The following CRISPLD2 variants were observed in gnomAD, a reference collection of about 807,000 sequenced individuals.
CRISPLD2 encodes cysteine rich secretory protein LCCL domain containing 2, also known as cysteine-rich secretory protein LCCL domain-containing 2.
A neutral mutation model predicts 71.1 loss-of-function variants in CRISPLD2; 47 were observed. That is an observed-to-expected ratio of 0.66 (90% CI 0.52 to 0.84). CRISPLD2 has a LOEUF of 0.84. Among genes scored for constraint, CRISPLD2 ranks in the 40% least tolerant of loss-of-function variants. The probability of loss-of-function intolerance (pLI) is 0.00; values close to 1 mark genes in which losing one functional copy is unlikely to be tolerated. For synonymous variants in CRISPLD2, 317 were observed against 250.1 expected (o/e 1.27, Z -2.52); for missense variants, 830 against 651.1 (o/e 1.27, Z -2.99).
At chr16:84,885,003 C>T (rs973185775) in intron 13 of CRISPLD2, among the ~76,000 whole-genome samples, 5 of 152,314 alleles carry the variant, frequency 3.3e-5, no homozygotes, top group Middle Eastern at 3.4e-3. Context: ...GTTGGCAGTG[C>T]GAGCAATGCT....
At chr16:84,876,429 G>T (rs2071518810) in intron 11 of CRISPLD2, among the ~76,000 whole-genome samples, 1 of 152,134 alleles carries the variant, frequency 6.6e-6, no homozygotes, top group African/African-American at 2.4e-5. Flanking sequence ...CTGAACCCAG[G>T]AGGTGAAGGT....
In CRISPLD2 at chr16:84,906,635, G is replaced by A; in HGVS notation, c.1487G>A (p.Arg496Lys). The A allele has an allele frequency of 1.2e-6, 2 of 1,614,066 alleles. No homozygotes were observed. The highest frequency in any genetic ancestry group is 1.7e-6 in the Non-Finnish European group (2 of 1,180,040). The change falls in exon 15 of 15, where the codon AGG becomes AAG. Residue 496 changes from arginine (R) to lysine (K), a missense_variant. By Grantham distance (26) the Arg-to-Lys change is conservative (BLOSUM62 2). Transcript: ENST00000262424. ...DGKAFRIFAV[R>K]Q Reference sequence around the variant, plus strand: ...AAGGCCTTCCGGATCTTTGCTGTCAGGCAGTGAATTTCCAGCACCAGGGGA... The same window carrying A: ...AAGGCCTTCCGGATCTTTGCTGTCAAGCAGTGAATTTCCAGCACCAGGGGA...
rs536762620 is a variant in CRISPLD2 at position 84,883,122 on chromosome 16, CA to C, written c.1305+2546del. ...AGTACTCAGTACTTAAGTAGCTCTT[CA>C]AAAAAAATAAAGAATGAAGGAGGGA... On this transcript the variant is annotated intron_variant, in intron 13 of 14. Transcript: ENST00000262424. Among the ~76,000 whole-genome samples, 7 of 151,362 alleles carry C rather than the reference CA, an allele frequency of 4.6e-5. No individual in the cohort carries two copies. The South Asian group carries it at 8.4e-4, about 18-fold the overall frequency.
chr16:84,827,500 G>T (rs559696378), intron 1 of CRISPLD2, among the ~76,000 whole-genome samples: 1 of 151,252 alleles, frequency 6.6e-6, no homozygotes, highest in Non-Finnish European at 1.5e-5. Flanking sequence ...GTCACGCCTC[G>T]ACTGTGACCC....
At chr16:84,877,574 G>A in intron 12 of CRISPLD2, 64 bp downstream of exon 12, 2 of 1,520,966 alleles carry the variant, frequency 1.3e-6, no homozygotes, top group South Asian at 1.1e-5. Flanking sequence ...TTTAGGCTGG[G>A]TGAGGTGGCT....
At chr16:84,904,692 C>T (rs2071786289) in intron 14 of CRISPLD2, among the ~76,000 whole-genome samples, 1 of 151,902 alleles carries the variant, frequency 6.6e-6, no homozygotes. Context: ...ACATCGGTGC[C>T]AGGACCATTC....
intron 14 of CRISPLD2, among the ~76,000 whole-genome samples, chr16:84,892,040 C>T (rs563382130): frequency 2.6e-5 from 4 of 152,328 alleles, no homozygotes; most frequent in Admixed American, 6.5e-5. Context: ...CTCCTCCGTC[C>T]TGTGGACTGG....
chr16:84,907,398 G>C lies in CRISPLD2; in HGVS notation c.*756G>C, dbSNP rs1160141905. 1 of 152,422 alleles carries C rather than the reference G, an allele frequency of 6.6e-6. No individual in the cohort carries two copies. Among genetic ancestry groups the C allele is most frequent in the Non-Finnish European group, 1.5e-5 (1 of 68,240 alleles). The allele number at this position is 152,422 out of a possible 1,614,324, so 9.4% of individuals were successfully genotyped here. A position where few individuals can be genotyped will look rare whatever the true frequency, so the allele number is the denominator to read the frequency against. On this transcript the variant is annotated 3_prime_UTR_variant, in exon 15 of 15. Transcript: ENST00000262424. ...CGTCTTCATGGCCCACCTGTTTTCT[G>C]CCGTGACCTTTGGTCCCATTGAGGA...
In CRISPLD2 at chr16:84,854,736, T is replaced by G; in HGVS notation, c.616T>G (p.Trp206Gly). 1 of 1,613,896 alleles carries G rather than the reference T, an allele frequency of 6.2e-7. No homozygotes were observed. The highest frequency in any genetic ancestry group is 8.5e-7 in the Non-Finnish European group (1 of 1,179,824). ...FVCNYSPKGN[W>G]IGEAPYKNGR... ...TTTTGGGTCTGTCCTCAGGGGGAAC[T>G]GGATTGGAGAAGCCCCCTACAAGAA... Residue 206 changes from tryptophan to glycine, a missense_variant, in exon 6 of 15, where the codon TGG becomes GGG. Coordinates refer to ENST00000262424, the MANE Select transcript of CRISPLD2 (RefSeq NM_031476.4).
rs71384841 is a variant in CRISPLD2, at chr16:84,850,095, C to CT, written c.493-460dup. On this transcript the variant is annotated intron_variant, in intron 4 of 14. Transcript: ENST00000262424. ...GTGTGGGAGTCTGTTTGTTTGCTTG[C>CT]TTTTTTTTTTTTTGAAACGGAGTCT... 3.6e-3 allele frequency among the ~76,000 whole-genome samples: 504 copies of CT among 141,748 alleles called. 5 individuals are homozygous for CT. The highest frequency in any genetic ancestry group is 0.012 in the African/African-American group (469 of 38,336). 93.0% of individuals were successfully genotyped at this position (141,748 alleles called of 152,430 possible).
chr16:84,843,798 C>G (rs560628825), intron 2 of CRISPLD2, among the ~76,000 whole-genome samples: 4 of 152,218 alleles, frequency 2.6e-5, no homozygotes, highest in Non-Finnish European at 5.9e-5. Flanking sequence ...AGTAGCCAGA[C>G]AAGAGGGGGT....
At chr16:84,823,192 G>C (rs748104119) in intron 1 of CRISPLD2, among the ~76,000 whole-genome samples, 1 of 152,192 alleles carries the variant, frequency 6.6e-6, no homozygotes, top group Non-Finnish European at 1.5e-5. Context: ...TGAGACCTTC[G>C]TTCCTTTTTT....
At chr16:84,826,758 C>T (rs745893417) in intron 1 of CRISPLD2, among the ~76,000 whole-genome samples, 10 of 152,178 alleles carry the variant, frequency 6.6e-5, no homozygotes, top group Non-Finnish European at 1.2e-4. Flanking sequence ...GTGTGCGGGT[C>T]CAAGGGGGAG....
intron 1 of CRISPLD2, among the ~76,000 whole-genome samples, chr16:84,829,766 T>C (rs1404925457): frequency 1.3e-5 from 2 of 152,228 alleles, no homozygotes; most frequent in Admixed American, 6.5e-5. Context: ...TTGCTTATCT[T>C]TTTTAAGCCT....
intron 8 of CRISPLD2, among the ~76,000 whole-genome samples, chr16:84,869,159 A>G (rs1050538943): frequency 1.3e-5 from 2 of 152,170 alleles, no homozygotes; most frequent in African/African-American, 4.8e-5. Context: ...CACCAGACAG[A>G]TGGGCCACCG....
intron 1 of CRISPLD2, among the ~76,000 whole-genome samples, chr16:84,835,899 T>C (rs1412465736): frequency 6.6e-6 from 1 of 152,176 alleles, no homozygotes; most frequent in Non-Finnish European, 1.5e-5. Context: ...TCCTCCTGTT[T>C]TCTCACTTTG....
intron 13 of CRISPLD2, among the ~76,000 whole-genome samples, chr16:84,881,758 G>A (rs552754614): frequency 1.1e-4 from 16 of 152,234 alleles, no homozygotes; most frequent in African/African-American, 9.6e-5. Context: ...TTATAGGGGT[G>A]AGCCACTGCA....
At chr16:84,891,062 C>T (rs1456790615) in intron 14 of CRISPLD2, among the ~76,000 whole-genome samples, 3 of 152,174 alleles carry the variant, frequency 2.0e-5, no homozygotes, top group African/African-American at 4.8e-5. Flanking sequence ...CCACCGCACT[C>T]GGCCGCCATG....
In CRISPLD2 at chr16:84,863,752, C is replaced by T. The variant is rs564084988; in HGVS notation, c.710-3145C>T. 3.3e-5 allele frequency among the ~76,000 whole-genome samples: 5 copies of T among 152,164 alleles called. No homozygotes were observed. In the South Asian group the frequency reaches 8.3e-4, roughly 25 times the overall value. ...TGGGAGGCTGAGGCGGGCAGATCAC[C>T]GAGGTCGGGAGTTTGAGACCAGCCT... is the stretch of plus-strand genomic sequence containing the variant. On this transcript the variant is annotated intron_variant, in intron 6 of 14. Coordinates refer to ENST00000262424, the MANE Select transcript of CRISPLD2 (RefSeq NM_031476.4).
Sources: allele counts gnomAD v4.1 joint callset (sites outside exome capture counted in the v4.1 genomes callset), GRCh38; gene constraint gnomAD v4.1.1; transcripts MANE v1.5; gene names NCBI Gene and HGNC (gene_info 2026-07-23, HGNC 2026-07-21).